SPON1: variants seen among roughly 807,000 people sequenced by gnomAD.
SPON1 encodes the protein spondin-1.
In SPON1, 52 loss-of-function variants were observed where a neutral mutation model predicts 111.7. The ratio of observed to expected loss-of-function variants is 0.47; its 90% CI spans 0.37 to 0.59. The LOEUF is 0.59. Ranked by LOEUF, SPON1 falls within the 20% of genes least tolerant of loss-of-function variation. The pLI is 0.00. For missense variants in SPON1, 957 were observed against 1,068.5 expected, an observed-to-expected ratio of 0.90 and a Z score of 1.46; for synonymous variants, 410 against 395.8, an observed-to-expected ratio of 1.04 and a Z score of -0.43.
intron 6 of SPON1, among the ~76,000 whole-genome samples, chr11:14,189,957 G>A (rs781945914): frequency 6.6e-6 from 1 of 152,136 alleles, no homozygotes; most frequent in South Asian, 2.1e-4. Context: ...TTTTGTAAGC[G>A]GGCACTTCCT....
At chr11:13,972,003 A>T (rs1848066761) in intron 1 of SPON1, among the ~76,000 whole-genome samples, 2 of 152,208 alleles carry the variant, frequency 1.3e-5, no homozygotes, top group Admixed American at 1.3e-4. Context: ...AATCAAGGAA[A>T]ATAAGGTCTC....
At chr11:14,043,921 G>A (rs1204595320) in intron 3 of SPON1, among the ~76,000 whole-genome samples, 1 of 152,188 alleles carries the variant, frequency 6.6e-6, no homozygotes, top group Non-Finnish European at 1.5e-5. Context: ...CACAATGGAG[G>A]TATATTCTTG....
At chr11:14,092,186 A>G (rs1849064882) in intron 5 of SPON1, among the ~76,000 whole-genome samples, 1 of 152,152 alleles carries the variant, frequency 6.6e-6, no homozygotes, top group South Asian at 2.1e-4. Flanking sequence ...TTTGCTTTTT[A>G]CTGTTGGTAT....
At chr11:14,233,658 C>T (rs942088131) in intron 6 of SPON1, among the ~76,000 whole-genome samples, 1 of 151,700 alleles carries the variant, frequency 6.6e-6, no homozygotes, top group Non-Finnish European at 1.5e-5. Flanking sequence ...GGATGCAATG[C>T]GGCCCCTGCT....
chr11:14,201,939 C>T (rs1165523578), intron 6 of SPON1, among the ~76,000 whole-genome samples: 1 of 152,058 alleles, frequency 6.6e-6, no homozygotes, highest in Non-Finnish European at 1.5e-5. Context: ...ATCTGTTTAG[C>T]TCATTCTCTT....
chr11:14,073,551 AC>A (rs781897971), intron 3 of SPON1, among the ~76,000 whole-genome samples: 4 of 151,974 alleles, frequency 2.6e-5, no homozygotes, highest in Admixed American at 2.6e-4. Context: ...CCTCCCTTCC[AC>A]TTGCCTAATT....
chr11:14,070,448 A>AT (rs1221781227), intron 3 of SPON1, among the ~76,000 whole-genome samples: 1 of 152,192 alleles, frequency 6.6e-6, no homozygotes, highest in Non-Finnish European at 1.5e-5. Flanking sequence ...GACATCAATC[A>AT]TAAAAACAAC....
At chr11:14,078,476 T>A (rs1848935538) in intron 4 of SPON1, among the ~76,000 whole-genome samples, 1 of 152,140 alleles carries the variant, frequency 6.6e-6, no homozygotes, top group Non-Finnish European at 1.5e-5. Flanking sequence ...TTTTAGCGCA[T>A]CTTTCTTCAT....
chr11:14,216,846 T>C (rs1180789803), intron 6 of SPON1, among the ~76,000 whole-genome samples: 2 of 152,226 alleles, frequency 1.3e-5, no homozygotes, highest in Non-Finnish European at 2.9e-5. Context: ...CCATAACATT[T>C]ACTCTGAACT....
At chr11:14,153,343 G>T (rs7130865) in intron 6 of SPON1, among the ~76,000 whole-genome samples, 59,688 of 151,984 alleles carry the variant, frequency 0.39, 11,980 homozygotes, top group East Asian at 0.55. Flanking sequence ...GGTTCCACAG[G>T]CTGTAAAGGA....
chr11:14,167,754 C>T (rs1554931980), intron 6 of SPON1, among the ~76,000 whole-genome samples: 2 of 152,118 alleles, frequency 1.3e-5, no homozygotes, highest in African/African-American at 4.8e-5. Flanking sequence ...TACTTGGACA[C>T]ATGGGCCCAG....
intron 2 of SPON1, among the ~76,000 whole-genome samples, chr11:14,010,345 G>A (rs916249281): frequency 2.6e-5 from 4 of 151,890 alleles, no homozygotes; most frequent in Admixed American, 6.6e-5. Context: ...GATGAGAGGG[G>A]GATGGGATTA....
intron 6 of SPON1, among the ~76,000 whole-genome samples, chr11:14,162,003 A>G (rs1847971015): frequency 6.6e-6 from 1 of 151,734 alleles, no homozygotes; most frequent in African/African-American, 2.4e-5. Context: ...AAAATATACA[A>G]AAAAAATGGC....
chr11:14,173,744 G>A (rs1054172096), intron 6 of SPON1, among the ~76,000 whole-genome samples: 1 of 152,174 alleles, frequency 6.6e-6, no homozygotes, highest in Non-Finnish European at 1.5e-5. Context: ...GTTGGAGTTT[G>A]CTGGAGGTCC....
chr11:14,247,100 A>G (rs1848999732), intron 7 of SPON1, among the ~76,000 whole-genome samples: 1 of 152,138 alleles, frequency 6.6e-6, no homozygotes, highest in Non-Finnish European at 1.5e-5. Context: ...TTTTATTTGA[A>G]TTTTTGCATT....
intron 2 of SPON1, among the ~76,000 whole-genome samples, chr11:13,993,153 A>G (rs1848244683): frequency 6.6e-6 from 1 of 152,118 alleles, no homozygotes; most frequent in Non-Finnish European, 1.5e-5. Flanking sequence ...ACACAACAAA[A>G]GCAAATTTTA....
intron 6 of SPON1, among the ~76,000 whole-genome samples, chr11:14,242,556 A>G (rs1456144404): frequency 6.6e-6 from 1 of 152,206 alleles, no homozygotes; most frequent in African/African-American, 2.4e-5. Flanking sequence ...TGCAAAGATC[A>G]TGGCACCCCT....
intron 3 of SPON1, among the ~76,000 whole-genome samples, chr11:14,055,018 G>GCTAGCTAAACCCA (rs1848734668): frequency 6.6e-6 from 1 of 152,154 alleles, no homozygotes; most frequent in Non-Finnish European, 1.5e-5. Flanking sequence ...CAGCTGTGAT[G>GCTAGCTAAACCCA]CTAGCTAAAC....
At chr11:14,053,753 T>C (rs2133819576) in intron 3 of SPON1, among the ~76,000 whole-genome samples, 1 of 152,296 alleles carries the variant, frequency 6.6e-6, no homozygotes, top group Non-Finnish European at 1.5e-5. Flanking sequence ...GACAAAGAAA[T>C]GGTTTTACAC....
Sources: gnomAD v4.1 joint callset for allele counts (sites outside exome capture counted in the v4.1 genomes callset) on GRCh38, gnomAD v4.1.1 for gene constraint, MANE v1.5 for transcripts, NCBI Gene and HGNC (gene_info 2026-07-23, HGNC 2026-07-21) for gene names.